GLDC: variants seen among roughly 807,000 people sequenced by gnomAD.
GLDC encodes glycine dehydrogenase (decarboxylating), mitochondrial.
In GLDC, 104 loss-of-function variants were observed where a neutral mutation model predicts 121.3. That is an observed-to-expected ratio of 0.86 (90% CI 0.73 to 1.01). The LOEUF (loss-of-function observed/expected upper bound fraction) is 1.01, where lower values mean the gene tolerates loss of function less well. Among genes scored for constraint, GLDC ranks in the 50% least tolerant of loss-of-function variants. The pLI, the probability that GLDC is intolerant of heterozygous loss-of-function variation, is 0.00. For missense variants in GLDC, 1,429 were observed against 1,306.6 expected, an observed-to-expected ratio of 1.09 and a Z score of -1.44; for synonymous variants, 546 against 480.6, an observed-to-expected ratio of 1.14 and a Z score of -1.78.
chr9:6,582,629 A>T (rs976000535), intron 15 of GLDC, among the ~76,000 whole-genome samples: 13 of 152,100 alleles, frequency 8.5e-5, no homozygotes, highest in African/African-American at 2.7e-4. Context: ...GGAGATCGAG[A>T]CCATCCTGGC....
At chr9:6,544,574 G>T (rs1038846800) in intron 21 of GLDC, among the ~76,000 whole-genome samples, 6 of 151,566 alleles carry the variant, frequency 4.0e-5, no homozygotes, top group Non-Finnish European at 1.5e-5. Flanking sequence ...GGGAGGCGGG[G>T]GTTGCAGTGA....
chr9:6,641,990 C>G (rs1451576419), intron 2 of GLDC, among the ~76,000 whole-genome samples: 1 of 152,196 alleles, frequency 6.6e-6, no homozygotes, highest in Admixed American at 6.5e-5. Flanking sequence ...CCAATTTGCT[C>G]TCCCCACCTG....
intron 2 of GLDC, among the ~76,000 whole-genome samples, chr9:6,627,295 CAA>C (rs35067265): frequency 5.9e-4 from 46 of 77,776 alleles, no homozygotes; most frequent in East Asian, 9.7e-4. Flanking sequence ...GACTCCATCT[CAA>C]AAAAAAAAAA....
At chr9:6,622,171 C>G (rs1388004846) in intron 2 of GLDC, among the ~76,000 whole-genome samples, 1 of 151,456 alleles carries the variant, frequency 6.6e-6, no homozygotes, top group Non-Finnish European at 1.5e-5. Flanking sequence ...CACACACACA[C>G]ACACACACAC....
At chr9:6,639,072 T>G (rs1442096918) in intron 2 of GLDC, 1 of 662,460 alleles carries the variant, frequency 1.5e-6, no homozygotes, top group Non-Finnish European at 2.7e-6. Flanking sequence ...CATTTAACAA[T>G]TAGGCAACAA....
chr9:6,555,045 TACACAGTCTC>T (rs1817593985), intron 18 of GLDC: 1 of 528,802 alleles, frequency 1.9e-6, no homozygotes, highest in Non-Finnish European at 3.4e-6. Context: ...TGGATTTGAA[TACACAGTCTC>T]TTCCTAATTA....
At chr9:6,549,572 C>T (rs1817466726) in intron 21 of GLDC, among the ~76,000 whole-genome samples, 1 of 152,140 alleles carries the variant, frequency 6.6e-6, no homozygotes, top group South Asian at 2.1e-4. Flanking sequence ...GTTCTGGCTT[C>T]TCACCTTCAA....
At chr9:6,622,186 A>ACACACC (rs1417102228) in intron 2 of GLDC, among the ~76,000 whole-genome samples, 1 of 149,222 alleles carries the variant, frequency 6.7e-6, no homozygotes, top group Non-Finnish European at 1.5e-5. Flanking sequence ...ACACACACAC[A>ACACACC]CACACTCCGC....
At chr9:6,638,597 G>C (rs986147218) in intron 2 of GLDC, among the ~76,000 whole-genome samples, 1 of 152,038 alleles carries the variant, frequency 6.6e-6, no homozygotes, top group Non-Finnish European at 1.5e-5. Flanking sequence ...ATTTCTGAAC[G>C]CTCATGACAT....
At chr9:6,546,662 C>T (rs1563831913) in intron 21 of GLDC, among the ~76,000 whole-genome samples, 1 of 151,802 alleles carries the variant, frequency 6.6e-6, no homozygotes, top group Non-Finnish European at 1.5e-5. Flanking sequence ...AAGGAATACA[C>T]TCTAAAATAA....
intron 22 of GLDC, among the ~76,000 whole-genome samples, chr9:6,537,409 G>A (rs1305799450): frequency 2.0e-5 from 3 of 152,168 alleles, no homozygotes; most frequent in Non-Finnish European, 4.4e-5. Context: ...TCAAATTCTG[G>A]TGAGCATCAT....
intron 2 of GLDC, among the ~76,000 whole-genome samples, chr9:6,629,958 T>TATATATATATATATGTGTATATATATATA: frequency 1.3e-5 from 1 of 78,678 alleles, no homozygotes; most frequent in Non-Finnish European, 2.4e-5. Flanking sequence ...TATATATATA[T>TATATATATATATATGTGTATATATATATA]TTTTTTTTTT....
intron 2 of GLDC, chr9:6,639,012 A>T (rs1819570446): frequency 2.4e-6 from 1 of 419,228 alleles, no homozygotes; most frequent in Non-Finnish European, 4.4e-6. Flanking sequence ...CTGTCTCAGA[A>T]AAAAAAAAAA....
intron 5 of GLDC, chr9:6,606,201 C>G (rs566318687): frequency 4.2e-6 from 1 of 238,656 alleles, no homozygotes; most frequent in Non-Finnish European, 8.1e-6. Flanking sequence ...CCCAGCAACT[C>G]GGGAGGCTGA....
chr9:6,578,221 G>A (rs529696819), intron 15 of GLDC, among the ~76,000 whole-genome samples: 1 of 151,742 alleles, frequency 6.6e-6, no homozygotes, highest in African/African-American at 2.4e-5. Context: ...CTGGGTGTAA[G>A]TGATCCTCCC....
At chr9:6,545,514 G>A (rs1224400930) in intron 21 of GLDC, among the ~76,000 whole-genome samples, 1 of 152,220 alleles carries the variant, frequency 6.6e-6, no homozygotes, top group Non-Finnish European at 1.5e-5. Flanking sequence ...AGTGAGTGGT[G>A]AGTGAACGGG....
chr9:6,591,224 G>C (rs1364165382), intron 11 of GLDC, among the ~76,000 whole-genome samples: 1 of 152,192 alleles, frequency 6.6e-6, no homozygotes, highest in Non-Finnish European at 1.5e-5. Flanking sequence ...CTTTGTGACT[G>C]CTTTCTCCAG....
chr9:6,558,735 G>A, intron 16 of GLDC, 51 bp from the exon 17 acceptor site: 1 of 1,603,138 alleles, frequency 6.2e-7, no homozygotes, highest in South Asian at 1.1e-5. Flanking sequence ...ATCAGACTAT[G>A]AATAATGACA....
At position 6,554,924 on chromosome 9, in the gene GLDC, C is replaced by A. The variant is rs983288780; in HGVS notation, c.2203-143G>T. ...CATCCATGGTGTTCACAGAAATGTC[C>A]TCTATACTGGCCCAGTTCCGTAGTC... On this transcript the variant is annotated intron_variant, in intron 18 of 24. Coordinates refer to ENST00000321612, the MANE Select transcript of GLDC (RefSeq NM_000170.3). The A allele has an allele frequency of 3.9e-5, 28 of 718,416 alleles. No individual in the cohort carries two copies. The Middle Eastern group carries it at 8.5e-4, about 22-fold the overall frequency. The allele number at this position is 718,416 out of a possible 1,614,324, so 44.5% of individuals were successfully genotyped here.
Sources: gnomAD v4.1 joint callset for allele counts (sites outside exome capture counted in the v4.1 genomes callset) on GRCh38, gnomAD v4.1.1 for gene constraint, MANE v1.5 for transcripts, NCBI Gene and HGNC (gene_info 2026-07-23, HGNC 2026-07-21) for gene names.